The following ARHGEF10L variants were observed in gnomAD, a reference collection of about 807,000 sequenced individuals.
ARHGEF10L encodes Rho guanine nucleotide exchange factor 10 like.
A neutral mutation model predicts 141.2 loss-of-function variants in ARHGEF10L; 69 were observed. That is an observed-to-expected ratio of 0.49 (90% CI 0.40 to 0.60). The LOEUF (loss-of-function observed/expected upper bound fraction) is 0.60. Ranked by LOEUF, ARHGEF10L falls within the 20% of genes least tolerant of loss-of-function variation. The probability of loss-of-function intolerance (pLI) is 0.00; values close to 1 mark genes in which losing one functional copy is unlikely to be tolerated. For missense variants in ARHGEF10L, 1,482 were observed against 1,734.3 expected (o/e 0.85, Z 2.58); for synonymous variants, 711 against 718.5 (o/e 0.99, Z 0.17).
At chr1:17,554,090 T>C (rs2077212878) in intron 1 of ARHGEF10L, among the ~76,000 whole-genome samples, 1 of 152,206 alleles carries the variant, frequency 6.6e-6, no homozygotes, top group Non-Finnish European at 1.5e-5. Context: ...ACGGCCTCTC[T>C]ACCTCACGTC....
intron 16 of ARHGEF10L, among the ~76,000 whole-genome samples, chr1:17,633,280 G>A (rs1324940886): frequency 6.6e-6 from 1 of 152,172 alleles, no homozygotes; most frequent in South Asian, 2.1e-4. Context: ...GAGAACTTCA[G>A]CTGTGGTTTT....
chr1:17,656,462 C>G lies in ARHGEF10L; in HGVS notation c.2706-92C>G. The G allele has an allele frequency of 6.7e-7, 1 of 1,486,574 alleles. No individual in the cohort carries two copies. The highest frequency in any genetic ancestry group is 9.1e-7 in the Non-Finnish European group (1 of 1,095,118). 92.1% of individuals were successfully genotyped at this position (1,486,574 alleles called of 1,614,324 possible). A position where few individuals can be genotyped will look rare whatever the true frequency, so the allele number is the denominator to read the frequency against. ...AAGGCGTGGCTGAGAGGGGTCAGCT[C>G]CCTGGGGCCCTCTCCCTAGGAGGGC... On this transcript the variant is annotated intron_variant, in intron 24 of 28. Transcript: ENST00000361221. This position sits in a 1 kb window ranked among gnomAD's most constrained non-coding sequence, Gnocchi z 4.9.
intron 2 of ARHGEF10L, among the ~76,000 whole-genome samples, chr1:17,582,662 T>C (rs1008706240): frequency 6.6e-6 from 1 of 152,218 alleles, no homozygotes; most frequent in Admixed American, 6.5e-5. Flanking sequence ...TAAGGCTCAG[T>C]GCGAGGGCAG....
At chr1:17,618,864 T>C (rs1453191595) in intron 9 of ARHGEF10L, among the ~76,000 whole-genome samples, 1 of 152,202 alleles carries the variant, frequency 6.6e-6, no homozygotes, top group African/African-American at 2.4e-5. Flanking sequence ...TAGCTCTGCA[T>C]GTTTTATTTC....
intron 21 of ARHGEF10L, among the ~76,000 whole-genome samples, chr1:17,647,909 G>T (rs1190546464): frequency 6.6e-6 from 1 of 152,146 alleles, no homozygotes; most frequent in Non-Finnish European, 1.5e-5. Context: ...TGGGTCTGGG[G>T]TCGGGTTAGG....
At chr1:17,681,478 T>C (rs1223818508) in intron 26 of ARHGEF10L, among the ~76,000 whole-genome samples, 1 of 152,248 alleles carries the variant, frequency 6.6e-6, no homozygotes, top group Non-Finnish European at 1.5e-5. Flanking sequence ...CCTTTTAATC[T>C]AGAATAATCC....
intron 5 of ARHGEF10L, among the ~76,000 whole-genome samples, chr1:17,602,731 C>G (rs1273057251): frequency 6.6e-6 from 1 of 152,116 alleles, no homozygotes; most frequent in African/African-American, 2.4e-5. Flanking sequence ...GGCCCTGCAG[C>G]TCCTCAGGGC....
intron 25 of ARHGEF10L, among the ~76,000 whole-genome samples, chr1:17,658,632 C>T (rs1438770008): frequency 1.3e-5 from 2 of 152,150 alleles, no homozygotes; most frequent in African/African-American, 4.8e-5. Context: ...GCTTACTGAG[C>T]ACGTACTATA....
intron 7 of ARHGEF10L, among the ~76,000 whole-genome samples, chr1:17,612,654 C>T (rs939818257): frequency 2.6e-5 from 4 of 152,218 alleles, no homozygotes; most frequent in African/African-American, 9.6e-5. Flanking sequence ...GTCTATCTCA[C>T]AAACTTACAG....
At chr1:17,564,298 A>C (rs568772099) in intron 1 of ARHGEF10L, among the ~76,000 whole-genome samples, 1 of 152,290 alleles carries the variant, frequency 6.6e-6, no homozygotes, top group Admixed American at 6.5e-5. Context: ...CCAGGAGCTT[A>C]GGGCTGGGAC....
At chr1:17,598,116 T>G (rs1420629890) in intron 4 of ARHGEF10L, among the ~76,000 whole-genome samples, 1 of 152,038 alleles carries the variant, frequency 6.6e-6, no homozygotes, top group African/African-American at 2.4e-5. Context: ...TTTTTTTTTT[T>G]TTTGAGATGA....
Position 17,659,452 on chromosome 1 carries a change from C to A in ARHGEF10L, c.2860+2744C>A, listed in dbSNP as rs144595771. 8.4e-3 allele frequency among the ~76,000 whole-genome samples: 1,278 copies of A among 152,302 alleles called. 18 individuals carry two copies. Among genetic ancestry groups the A allele is most frequent in the African/African-American group, 0.03 (1,238 of 41,566 alleles). ...CCAGGTCTTGAATCATCCACCTGGT[C>A]CGTGACCAGCTGTGGGACTGGCATC... is the stretch of plus-strand genomic sequence containing the variant. On this transcript the variant is annotated intron_variant, in intron 25 of 28. Transcript: ENST00000361221.
chr1:17,638,489 C>T (rs2061146899), intron 19 of ARHGEF10L, 73 bp from the exon 20 acceptor site: 1 of 1,592,240 alleles, frequency 6.3e-7, no homozygotes, highest in Non-Finnish European at 8.6e-7. Context: ...TGCTGTGATT[C>T]CTATAGGATC....
At chr1:17,519,931 G>A in the ARHGEF10L span, among the ~76,000 whole-genome samples, 1 of 152,152 alleles carries the variant, frequency 6.6e-6, no homozygotes, top group African/African-American at 2.4e-5. Context: ...TTGGCACTTG[G>A]ATCTTTCTGA....
At chr1:17,549,890 G>A (rs903049544) in intron 1 of ARHGEF10L, among the ~76,000 whole-genome samples, 6 of 152,190 alleles carry the variant, frequency 3.9e-5, no homozygotes, top group Admixed American at 2.0e-4. Context: ...GTGATGGATG[G>A]GTACAAAGAT....
chr1:17,555,720 G>A (rs997360448), intron 1 of ARHGEF10L, among the ~76,000 whole-genome samples: 16 of 152,170 alleles, frequency 1.1e-4, no homozygotes, highest in Non-Finnish European at 4.4e-5. Context: ...CATCTACTGA[G>A]CTGTGACAGT....
intron 8 of ARHGEF10L, among the ~76,000 whole-genome samples, chr1:17,613,557 G>GAATCTGCACATTTCAT (rs1457074616): frequency 8.5e-4 from 129 of 152,304 alleles, no homozygotes; most frequent in African/African-American, 2.9e-3. Flanking sequence ...CGAGGCTCAG[G>GAATCTGCACATTTCAT]AATCTGCACA....
rs887752576 is a variant in ARHGEF10L at position 17,594,538 on chromosome 1, C to T, written c.257+6059C>T. On this transcript the variant is annotated intron_variant, in intron 4 of 28. Transcript: ENST00000361221. ...TGTCGCCCAGGCTGGAGTGCAGTGG[C>T]GTGATCTTGGCTCACTCCAACCTCT... Among the ~76,000 whole-genome samples the T allele has an allele frequency of 9.2e-5, 14 of 152,210 alleles. No homozygotes were observed. The South Asian group carries it at 1.7e-3, about 18-fold the overall frequency.
At chr1:17,559,129 C>A (rs1288484793) in intron 1 of ARHGEF10L, among the ~76,000 whole-genome samples, 6 of 152,218 alleles carry the variant, frequency 3.9e-5, no homozygotes, top group Non-Finnish European at 8.8e-5. Context: ...AGTCTTACTT[C>A]TGCCATTTGT....
Sources: gnomAD v4.1 joint callset for allele counts (sites outside exome capture counted in the v4.1 genomes callset) on GRCh38, gnomAD v4.1.1 for gene constraint, Gnocchi (gnomAD v3.1) non-coding constraint, MANE v1.5 for transcripts, NCBI Gene and HGNC (gene_info 2026-07-23, HGNC 2026-07-21) for gene names.